The following ERCC6L variants were observed in gnomAD, a reference collection of about 807,000 sequenced individuals.
The protein encoded by ERCC6L is DNA excision repair protein ERCC-6-like.
A neutral mutation model predicts 20.1 loss-of-function variants in ERCC6L; 7 were observed. The ratio of observed to expected loss-of-function variants is 0.35; its 90% confidence interval spans 0.20 to 0.65. The LOEUF is 0.65. Among genes scored for constraint, ERCC6L ranks in the 30% least tolerant of loss-of-function variants. The probability of loss-of-function intolerance (pLI) is 0.69; values close to 1 mark genes in which losing one functional copy is unlikely to be tolerated. For missense variants in ERCC6L, 592 were observed against 892.4 expected, an observed-to-expected ratio of 0.66 and a Z score of 4.29; for synonymous variants, 278 against 331.3, an observed-to-expected ratio of 0.84 and a Z score of 1.75.
chrX:72,238,108 T>A (rs1295500241), intron 1 of ERCC6L, among the ~76,000 whole-genome samples: 2 of 112,017 alleles, frequency 1.8e-5, no homozygotes, highest in Non-Finnish European at 3.8e-5. Context: ...CACAACAATA[T>A]GAATGTAGTC....
At chrX:72,211,070 GA>G (rs1269534078) in intron 1 of ERCC6L, among the ~76,000 whole-genome samples, 3 of 111,602 alleles carry the variant, frequency 2.7e-5, no homozygotes, top group Non-Finnish European at 5.6e-5. Context: ...AATGCAGTTT[GA>G]TTTAGCCACT....
At position 72,207,945 on chromosome X, in the gene ERCC6L, A is replaced by G. The variant is rs768633896; in HGVS notation, c.822T>C (p.Ala274=). 5 of 1,209,891 alleles carry G rather than the reference A, an allele frequency of 4.1e-6. No individual in the cohort carries two copies. The East Asian group carries it at 8.9e-5, about 21-fold the overall frequency. Reference sequence around the variant, plus strand: ...ATGTTCCCAGCAGGGACCCTTGACAAGCAAAATCAAATAGGGACCATAGTT... The same window carrying G: ...ATGTTCCCAGCAGGGACCCTTGACAGGCAAAATCAAATAGGGACCATAGTT... The part of the protein sequence containing the change: ...LQELWSLFDF[A]CQGSLLGTLK... The change falls in exon 2 of 2, where the codon GCT becomes GCC. Residue 274 remains alanine, a synonymous_variant. Coordinates refer to ENST00000334463, the MANE Select transcript of ERCC6L (RefSeq NM_017669.4).
intron 1 of ERCC6L, among the ~76,000 whole-genome samples, chrX:72,227,957 C>A (rs1413237444): frequency 8.9e-6 from 1 of 112,615 alleles, no homozygotes; most frequent in Non-Finnish European, 1.9e-5. Context: ...TTATACTAGT[C>A]CAAGCAAACA....
chrX:72,227,637 C>T (rs1019747839), intron 1 of ERCC6L, among the ~76,000 whole-genome samples: 1 of 111,284 alleles, frequency 9.0e-6, no homozygotes, highest in Admixed American at 9.6e-5. Context: ...CAAATACCTG[C>T]CACAACCCAT....
chrX:72,225,913 A>G (rs1392808939), intron 1 of ERCC6L, among the ~76,000 whole-genome samples: 1 of 111,721 alleles, frequency 9.0e-6, no homozygotes, highest in Non-Finnish European at 1.9e-5. Flanking sequence ...CCCATTTACA[A>G]AGGTTGGCCC....
chrX:72,224,031 G>A (rs1230007652), intron 1 of ERCC6L, among the ~76,000 whole-genome samples: 2 of 111,351 alleles, frequency 1.8e-5, no homozygotes, highest in Non-Finnish European at 3.8e-5. Flanking sequence ...TATCTTCACT[G>A]CTGGTACTGA....
Position 72,206,424 on chromosome X carries a change from G to A in ERCC6L, c.2343C>T (p.Pro781=). The change falls in exon 2 of 2, where the codon CCC becomes CCT. Residue 781 remains proline (P), a synonymous_variant. Coordinates refer to ENST00000334463, the MANE Select transcript of ERCC6L (RefSeq NM_017669.4). ...AGAGATCTTGTTTCTCACCCTCTTT[G>A]GGCAGATCATCAATGACTACACTTG... ...KMASVVIDDL[P]KEGEKQDLSS... 1 of 1,209,827 alleles carries A rather than the reference G, an allele frequency of 8.3e-7. No individual in the cohort carries two copies. The highest frequency in any genetic ancestry group is 1.8e-5 in the South Asian group (1 of 56,610).
At chrX:72,218,078 G>C (rs776446693) in intron 1 of ERCC6L, among the ~76,000 whole-genome samples, 1 of 110,488 alleles carries the variant, frequency 9.1e-6, no homozygotes, top group African/African-American at 3.3e-5. Flanking sequence ...AGACCATCCT[G>C]ACTAACACGG....
chrX:72,220,282 A>G (rs1046746821), intron 1 of ERCC6L, among the ~76,000 whole-genome samples: 1 of 111,352 alleles, frequency 9.0e-6, no homozygotes, highest in African/African-American at 3.3e-5. Flanking sequence ...GCAAATTAAA[A>G]CCACATTGAA....
Position 72,235,002 on chromosome X carries a change from A to C in ERCC6L, c.68+3842T>G, listed in dbSNP as rs745673451. Among the ~76,000 whole-genome samples the C allele has an allele frequency of 8.9e-5, 10 of 112,374 alleles. 1 individual carries two copies. In the South Asian group the frequency reaches 3.7e-3, roughly 41 times the overall value. Reference sequence around the variant, plus strand: ...ATGGATTTCAAGTAAGACCAGTCACATGATTGTTTCTTCAACCATGTTCAT... The same window carrying C: ...ATGGATTTCAAGTAAGACCAGTCACCTGATTGTTTCTTCAACCATGTTCAT... On this transcript the variant is annotated intron_variant, in intron 1 of 1. Transcript: ENST00000334463.
intron 1 of ERCC6L, among the ~76,000 whole-genome samples, chrX:72,216,697 A>G (rs2147591342): frequency 9.0e-6 from 1 of 111,678 alleles, no homozygotes; most frequent in East Asian, 2.8e-4. Flanking sequence ...GGTTAACCAG[A>G]TAACCTTGGG....
intron 1 of ERCC6L, among the ~76,000 whole-genome samples, chrX:72,222,214 G>A (rs150415736): frequency 1.5e-3 from 169 of 112,124 alleles, no homozygotes; most frequent in Middle Eastern, 4.6e-3. Context: ...AAATCAAACG[G>A]CAGCTAGGAT....
intron 1 of ERCC6L, among the ~76,000 whole-genome samples, chrX:72,229,830 A>G (rs1380911710): frequency 8.9e-6 from 1 of 111,763 alleles, no homozygotes; most frequent in East Asian, 2.8e-4. Context: ...CACTTCCATA[A>G]CATACTTTAA....
Position 72,208,005 on chromosome X carries a change from G to A in ERCC6L, c.762C>T (p.Leu254=). The A allele has an allele frequency of 8.3e-7, 1 of 1,211,218 alleles. No homozygotes were observed. Among genetic ancestry groups the A allele is most frequent in the Non-Finnish European group, 1.1e-6 (1 of 895,161 alleles). The change falls in exon 2 of 2, where the codon CTC becomes CTT. Residue 254 remains leucine, a synonymous_variant. Coordinates refer to ENST00000334463, the MANE Select transcript of ERCC6L (RefSeq NM_017669.4). Reference sequence around the variant, plus strand: ...TATTCTGGATTGGGGTTCCTGTGAGGAGGAGGCGATTACTTGCAGGAATAG... The same window carrying A: ...TATTCTGGATTGGGGTTCCTGTGAGAAGGAGGCGATTACTTGCAGGAATAG... ...ARAIPASNRL[L]LTGTPIQNNL...
intron 1 of ERCC6L, among the ~76,000 whole-genome samples, chrX:72,230,072 G>A (rs1232396048): frequency 1.8e-5 from 2 of 110,103 alleles, no homozygotes; most frequent in Non-Finnish European, 3.8e-5. Flanking sequence ...CTACTTGGGA[G>A]GCTGAGGCAG....
Position 72,205,121 on chromosome X carries a change from T to C in ERCC6L, c.3646A>G (p.Ile1216Val), listed in dbSNP as rs1243123342. The change falls in exon 2 of 2, where the codon ATC becomes GTC. Residue 1216 changes from isoleucine to valine, a missense_variant. Physicochemically the swap from Ile to Val is conservative, Grantham distance 29. This residue lies in a region of ERCC6L where 352 missense variants were observed against 402.6 expected (regional missense o/e 0.87). Coordinates refer to ENST00000334463, the MANE Select transcript of ERCC6L (RefSeq NM_017669.4). ...ACTAAGCAGTTTAGGGCCTCCTGGA[T>C]TTTTCCACACTCTTTTAGTTCTTTT... Reference protein sequence around the residue: ...RGKELKECGKIQEALNCLVKA... With the variant: ...RGKELKECGKVQEALNCLVKA... The C allele has an allele frequency of 3.0e-5, 36 of 1,209,881 alleles. No individual in the cohort carries two copies. The highest frequency in any genetic ancestry group is 3.4e-5 in the Non-Finnish European group (30 of 895,121).
chrX:72,218,994 G>C (rs76279490), intron 1 of ERCC6L, among the ~76,000 whole-genome samples: 1 of 112,766 alleles, frequency 8.9e-6, no homozygotes, highest in Non-Finnish European at 1.9e-5. Flanking sequence ...AGTGGCCCAC[G>C]CCTGTGATCC....
intron 1 of ERCC6L, among the ~76,000 whole-genome samples, chrX:72,214,689 A>G (rs2042877757): frequency 9.9e-6 from 1 of 100,712 alleles, no homozygotes; most frequent in South Asian, 4.4e-4. Flanking sequence ...AAAAAAAAAA[A>G]CAAAACAAAA....
chrX:72,212,885 T>C (rs1032291582), intron 1 of ERCC6L, among the ~76,000 whole-genome samples: 5 of 111,529 alleles, frequency 4.5e-5, no homozygotes, highest in East Asian at 2.8e-4. Flanking sequence ...AGGGGTTGCA[T>C]TGAGCTATGA....
Sources: allele counts gnomAD v4.1 joint callset (sites outside exome capture counted in the v4.1 genomes callset), GRCh38; gene constraint gnomAD v4.1.1; regional missense constraint gnomAD v4.1.1; transcripts MANE v1.5; gene names NCBI Gene and HGNC (gene_info 2026-07-23, HGNC 2026-07-21).